The following FAT3 variants were observed in gnomAD, a reference collection of about 807,000 sequenced individuals.
The protein encoded by FAT3 is FAT atypical cadherin 3.
In FAT3, 95 loss-of-function variants were observed where a neutral mutation model predicts 310.2. That is an observed-to-expected ratio of 0.31 (90% CI 0.26 to 0.36). The LOEUF is 0.36. Ranked by LOEUF, FAT3 falls within the 10% of genes least tolerant of loss-of-function variation. The probability of loss-of-function intolerance (pLI) is 1.00; values close to 1 mark genes in which losing one functional copy is unlikely to be tolerated. For missense variants in FAT3, 5,408 were observed against 5,715.6 expected (o/e 0.95, Z 1.74); for synonymous variants, 2,314 against 2,192.9 (o/e 1.06, Z -1.54).
intron 2 of FAT3, among the ~76,000 whole-genome samples, chr11:92,419,066 C>A (rs1950483159): frequency 6.6e-6 from 1 of 152,194 alleles, no homozygotes; most frequent in African/African-American, 2.4e-5. Context: ...CACCAGACCC[C>A]TGACTTACAT....
chr11:92,832,943 C>G (rs1384509909), intron 14 of FAT3, among the ~76,000 whole-genome samples: 1 of 152,196 alleles, frequency 6.6e-6, no homozygotes, highest in East Asian at 1.9e-4. Context: ...GGTCAGAACA[C>G]TCATTTCTCA....
intron 3 of FAT3, among the ~76,000 whole-genome samples, chr11:92,626,620 A>G (rs1941350739): frequency 6.6e-6 from 1 of 152,176 alleles, no homozygotes; most frequent in African/African-American, 2.4e-5. Context: ...AAGTGTATCC[A>G]GAATGAACTG....
At chr11:92,266,610 C>G (rs1005093682) in intron 1 of FAT3, among the ~76,000 whole-genome samples, 4 of 152,148 alleles carry the variant, frequency 2.6e-5, no homozygotes, top group African/African-American at 9.7e-5. Flanking sequence ...TCCACTCTAA[C>G]AGCCTCAGCC....
chr11:92,453,346 C>G (rs1167135941), intron 2 of FAT3, among the ~76,000 whole-genome samples: 1 of 152,130 alleles, frequency 6.6e-6, no homozygotes, highest in Non-Finnish European at 1.5e-5. Context: ...GCACTTTAAG[C>G]CAAGCAAAAT....
At chr11:92,229,285 GT>G (rs914617935) in intron 1 of FAT3, among the ~76,000 whole-genome samples, 1 of 151,974 alleles carries the variant, frequency 6.6e-6, no homozygotes, top group African/African-American at 2.4e-5. Context: ...GTGGGTCTTT[GT>G]TTTTTAATAT....
chr11:92,883,383 G>C lies in FAT3; in HGVS notation c.12927G>C (p.Ala4309=), dbSNP rs763573249. 1.0e-5 allele frequency: 16 copies of C among 1,601,336 alleles called. No individual in the cohort carries two copies. Among genetic ancestry groups the C allele is most frequent in the Non-Finnish European group, 1.4e-5 (16 of 1,172,880 alleles). ...CDSIRKNGWD[A]GTENKGVDDP... is the part of the protein sequence containing the mutation. ...CCATCCGGAAGAATGGCTGGGACGC[G>C]GGAACTGAGAGTGAGTAGGAAGTGG... The change falls in exon 24 of 28, where the codon GCG becomes GCC. Residue 4309 remains alanine (A), a synonymous_variant. Coordinates refer to ENST00000525166, the MANE Select transcript of FAT3 (RefSeq NM_001367949.2). This position sits in a 1 kb window ranked among gnomAD's most constrained non-coding sequence, Gnocchi z 4.2.
chr11:92,869,089 A>G (rs1323407841), intron 22 of FAT3, among the ~76,000 whole-genome samples: 2 of 152,158 alleles, frequency 1.3e-5, no homozygotes, highest in Admixed American at 6.5e-5. Context: ...TACAACAGGT[A>G]TTCTTTCTTC....
chr11:92,431,026 A>G (rs1950758986), intron 2 of FAT3, among the ~76,000 whole-genome samples: 1 of 152,188 alleles, frequency 6.6e-6, no homozygotes, highest in Admixed American at 6.5e-5. Flanking sequence ...GTATATACCC[A>G]GTAATGGGAT....
chr11:92,807,973 A>T (rs1183430336), intron 12 of FAT3, among the ~76,000 whole-genome samples: 11 of 152,174 alleles, frequency 7.2e-5, no homozygotes, highest in Admixed American at 7.2e-4. Context: ...CTGACTATTG[A>T]GTCTCCAGAA....
Position 92,790,080 on chromosome 11 carries a change from C to T in FAT3, c.4473C>T (p.His1491=). The T allele has an allele frequency of 6.2e-7, 1 of 1,613,846 alleles. No individual in the cohort carries two copies. The highest frequency in any genetic ancestry group is 8.5e-7 in the Non-Finnish European group (1 of 1,179,766). Residue 1491 remains histidine, a synonymous_variant, in exon 8 of 28, where the codon CAC becomes CAT. Transcript: ENST00000525166. ...AAGCCACAGATAGAGATGAGAAGCA[C>T]AAGCTGAGCTACACTGTTCATAGCA... ...QIEATDRDEK[H]KLSYTVHSSI...
intron 1 of FAT3, among the ~76,000 whole-genome samples, chr11:92,293,283 T>G (rs1204499047): frequency 6.6e-6 from 1 of 151,536 alleles, no homozygotes; most frequent in East Asian, 2.0e-4. Flanking sequence ...TGCTACTCTC[T>G]TACCTTCTGC....
intron 2 of FAT3, among the ~76,000 whole-genome samples, chr11:92,383,786 C>G (rs758982001): frequency 6.6e-6 from 1 of 151,948 alleles, no homozygotes; most frequent in Admixed American, 6.6e-5. Context: ...TGCAGAATTA[C>G]CCTGATGTAC....
intron 3 of FAT3, among the ~76,000 whole-genome samples, chr11:92,628,886 G>A (rs933653170): frequency 2.0e-5 from 3 of 152,132 alleles, no homozygotes; most frequent in African/African-American, 4.8e-5. Context: ...ACAGGCACAC[G>A]TGCACTCATG....
At chr11:92,571,689 T>A (rs1485283345) in intron 3 of FAT3, among the ~76,000 whole-genome samples, 2 of 152,224 alleles carry the variant, frequency 1.3e-5, no homozygotes, top group Non-Finnish European at 2.9e-5. Flanking sequence ...CTCACATTTC[T>A]TCTTTCTCTC....
At chr11:92,366,573 A>C (rs896082978) in intron 2 of FAT3, 7 of 516,118 alleles carry the variant, frequency 1.4e-5, no homozygotes, top group Non-Finnish European at 2.8e-5. Flanking sequence ...CATGCGCCTG[A>C]TGGGCTTCAA....
At chr11:92,514,194 C>T (rs958008733) in intron 2 of FAT3, among the ~76,000 whole-genome samples, 1 of 151,978 alleles carries the variant, frequency 6.6e-6, no homozygotes, top group African/African-American at 2.4e-5. Context: ...CACAGTTCTG[C>T]CAAAACAAAC....
chr11:92,753,028 C>G (rs1438615955), intron 4 of FAT3, among the ~76,000 whole-genome samples: 1 of 152,166 alleles, frequency 6.6e-6, no homozygotes, highest in African/African-American at 2.4e-5. Context: ...ATAAGGATGG[C>G]AGTTTTAAAA....
chr11:92,697,299 T>C, intron 3 of FAT3, 85 bp from the exon 4 acceptor site: 1 of 1,237,126 alleles, frequency 8.1e-7, no homozygotes, highest in Non-Finnish European at 1.2e-6. Flanking sequence ...ACTTTTGCTT[T>C]TCCTTTAACT....
At chr11:92,867,311 G>T in intron 22 of FAT3, 102 bp downstream of exon 22, 1 of 1,221,244 alleles carries the variant, frequency 8.2e-7, no homozygotes, top group South Asian at 1.6e-5. Context: ...CTCTACTAGA[G>T]AGGAGTATTC....
Sources: gnomAD v4.1 joint callset for allele counts (sites outside exome capture counted in the v4.1 genomes callset) on GRCh38, gnomAD v4.1.1 for gene constraint, Gnocchi (gnomAD v3.1) non-coding constraint, MANE v1.5 for transcripts, NCBI Gene and HGNC (gene_info 2026-07-23, HGNC 2026-07-21) for gene names.